KIAA1549L: variants seen among roughly 807,000 people sequenced by gnomAD.
KIAA1549L encodes UPF0606 protein KIAA1549L.
Under a neutral mutation model 160.7 loss-of-function variants are expected in KIAA1549L, and 88 were observed. The observed-to-expected ratio is 0.55, with a 90% CI of 0.46 to 0.65. KIAA1549L has a LOEUF of 0.65. KIAA1549L is among the 30% of genes least tolerant of loss of function. The probability of loss-of-function intolerance (pLI) is 0.00; values close to 1 mark genes in which losing one functional copy is unlikely to be tolerated. For synonymous variants in KIAA1549L, 950 were observed against 976.7 expected, an observed-to-expected ratio of 0.97 and a Z score of 0.51; for missense variants, 2,258 against 2,437.5, an observed-to-expected ratio of 0.93 and a Z score of 1.55.
chr11:33,522,805 A>G (rs1298869393), intron 1 of KIAA1549L, among the ~76,000 whole-genome samples: 1 of 152,062 alleles, frequency 6.6e-6, no homozygotes, highest in African/African-American at 2.4e-5. Context: ...AGACTGAGGC[A>G]GGAGGATCTC....
intron 1 of KIAA1549L, among the ~76,000 whole-genome samples, chr11:33,395,414 T>C (rs1850353758): frequency 6.6e-6 from 1 of 152,218 alleles, no homozygotes. Flanking sequence ...ATTATTTTCT[T>C]TTTCTCTTCT....
rs1417576796 is a variant in KIAA1549L, at chr11:33,477,281, G to C, written c.239-64521G>C. On this transcript the variant is annotated intron_variant, in intron 1 of 20. Transcript: ENST00000658780. ...GGTAGAATGCCCCCCACCACTTTTG[G>C]AACACTGGGTGGGGAGCTGAGAAGT... 2.6e-5 allele frequency among the ~76,000 whole-genome samples: 4 copies of C among 152,092 alleles called. 1 individual carries two copies. Among genetic ancestry groups the C allele is most frequent in the African/African-American group, 9.7e-5 (4 of 41,404 alleles).
intron 1 of KIAA1549L, among the ~76,000 whole-genome samples, chr11:33,392,415 C>T (rs945243267): frequency 3.9e-5 from 6 of 152,142 alleles, no homozygotes; most frequent in African/African-American, 7.2e-5. Context: ...TAAATACTTT[C>T]GCATACATGT....
chr11:33,641,435 A>G (rs1265864283), intron 16 of KIAA1549L, among the ~76,000 whole-genome samples: 1 of 151,830 alleles, frequency 6.6e-6, no homozygotes, highest in Non-Finnish European at 1.5e-5. Context: ...AATGCTTTGT[A>G]TTTATACATT....
At chr11:33,384,199 C>A (rs1008264514) in intron 1 of KIAA1549L, among the ~76,000 whole-genome samples, 2 of 152,216 alleles carry the variant, frequency 1.3e-5, no homozygotes, top group African/African-American at 4.8e-5. Context: ...TTTTGCCTTT[C>A]CCAGAAGGTC....
Position 33,532,436 on chromosome 11 carries a change from T to C in KIAA1549L, c.239-9366T>C, listed in dbSNP as rs139383615. Among the ~76,000 whole-genome samples the C allele has an allele frequency of 8.9e-3, 1,358 of 152,362 alleles. 16 individuals are homozygous for C. Among genetic ancestry groups the C allele is most frequent in the Non-Finnish European group, 0.011 (739 of 68,030 alleles). On this transcript the variant is annotated intron_variant, in intron 1 of 20. Coordinates refer to ENST00000658780, the MANE Select transcript of KIAA1549L (RefSeq NM_012194.3). ...GTAACACTTTTTGACCACTATGTGC[T>C]GTATAAGCACTATTCTAAGGACTTT...
At chr11:33,465,628 AGTGTGC>A (rs1192491041) in intron 1 of KIAA1549L, among the ~76,000 whole-genome samples, 1 of 152,198 alleles carries the variant, frequency 6.6e-6, no homozygotes, top group African/African-American at 2.4e-5. Flanking sequence ...CTTTTGTACA[AGTGTGC>A]GTTGAAAAGT....
At chr11:33,629,453 ATAG>A (rs1233521268) in intron 16 of KIAA1549L, among the ~76,000 whole-genome samples, 1 of 152,132 alleles carries the variant, frequency 6.6e-6, no homozygotes, top group Non-Finnish European at 1.5e-5. Context: ...GTCTTTTCAC[ATAG>A]TCCCATATTT....
intron 13 of KIAA1549L, among the ~76,000 whole-genome samples, chr11:33,606,127 G>GA (rs34777358): frequency 6.7e-4 from 98 of 146,916 alleles, no homozygotes; most frequent in South Asian, 1.5e-3. Context: ...TTCAGAAGAG[G>GA]AAAAAAAAAA....
At chr11:33,495,701 C>T (rs1852800969) in intron 1 of KIAA1549L, among the ~76,000 whole-genome samples, 1 of 152,194 alleles carries the variant, frequency 6.6e-6, no homozygotes, top group South Asian at 2.1e-4. Context: ...GGAATCGCCA[C>T]ACCGACTTCC....
intron 1 of KIAA1549L, among the ~76,000 whole-genome samples, chr11:33,532,417 C>T (rs1283952432): frequency 6.6e-6 from 1 of 152,210 alleles, no homozygotes; most frequent in Non-Finnish European, 1.5e-5. Context: ...AGTAGTAACA[C>T]TTTTTGACCA....
chr11:33,642,133 T>C (rs1218267361), intron 16 of KIAA1549L, among the ~76,000 whole-genome samples: 2 of 152,180 alleles, frequency 1.3e-5, no homozygotes, highest in Non-Finnish European at 2.9e-5. Flanking sequence ...TGGCATCTCC[T>C]AGAGCAAGTA....
In KIAA1549L at chr11:33,524,295, TC is replaced by T. The variant is rs1418018886; in HGVS notation, c.239-17505del. Among the ~76,000 whole-genome samples, 9 of 152,250 alleles carry T rather than the reference TC, an allele frequency of 5.9e-5. No homozygotes were observed. In the East Asian group the frequency reaches 1.7e-3, roughly 29 times the overall value. On this transcript the variant is annotated intron_variant, in intron 1 of 20. Transcript: ENST00000658780. Reference sequence around the variant, plus strand: ...ATTTTCTTCTTTATCTGTAGTTGCCTCCTTTCTCATTCCTAATGTCTTACAC... The same window carrying T: ...ATTTTCTTCTTTATCTGTAGTTGCCTCTTTCTCATTCCTAATGTCTTACAC...
At chr11:33,408,474 A>G (rs1324361287) in intron 1 of KIAA1549L, among the ~76,000 whole-genome samples, 1 of 134,888 alleles carries the variant, frequency 7.4e-6, no homozygotes, top group African/African-American at 3.2e-5. Context: ...ATATATATAC[A>G]TACTCTGTAT....
intron 1 of KIAA1549L, among the ~76,000 whole-genome samples, chr11:33,530,505 T>A (rs1853745286): frequency 1.5e-5 from 2 of 137,410 alleles, no homozygotes; most frequent in Admixed American, 7.6e-5. Context: ...CAAGTACCAC[T>A]GTCCTAGTTT....
chr11:33,466,850 C>A (rs781079367), intron 1 of KIAA1549L, among the ~76,000 whole-genome samples: 1 of 151,628 alleles, frequency 6.6e-6, no homozygotes, highest in Non-Finnish European at 1.5e-5. Context: ...CCATCATTCT[C>A]AGCAAAATAT....
intron 9 of KIAA1549L, among the ~76,000 whole-genome samples, chr11:33,571,246 G>C (rs1235086587): frequency 6.6e-6 from 1 of 152,210 alleles, no homozygotes; most frequent in Non-Finnish European, 1.5e-5. Flanking sequence ...TTGCACCCCT[G>C]CACTGCAGCC....
intron 17 of KIAA1549L, 48 bp from the exon 18 acceptor site, chr11:33,655,964 G>T (rs1397927245): frequency 3.0e-6 from 4 of 1,332,322 alleles, no homozygotes; most frequent in Non-Finnish European, 4.3e-6. Flanking sequence ...TGTGCTGATC[G>T]ACCCTGGGTG....
intron 1 of KIAA1549L, among the ~76,000 whole-genome samples, chr11:33,446,096 CTTTT>C (rs35251793): frequency 7.2e-6 from 1 of 138,192 alleles, no homozygotes; most frequent in African/African-American, 2.7e-5. Context: ...AAAGTCCTGT[CTTTT>C]TTTTTTTTTT....
Sources: gnomAD v4.1 joint callset for allele counts (sites outside exome capture counted in the v4.1 genomes callset) on GRCh38, gnomAD v4.1.1 for gene constraint, MANE v1.5 for transcripts, NCBI Gene and HGNC (gene_info 2026-07-23, HGNC 2026-07-21) for gene names.